GLG1: variants seen among roughly 807,000 people sequenced by gnomAD.
GLG1 encodes the protein golgi glycoprotein 1.
Under a neutral mutation model 160.5 loss-of-function variants are expected in GLG1, and 38 were observed. That is an observed-to-expected ratio of 0.24 (90% CI 0.18 to 0.31). The LOEUF (loss-of-function observed/expected upper bound fraction) is 0.31, where lower values mean the gene tolerates loss of function less well. GLG1 is among the 10% of genes least tolerant of loss of function. The pLI, the probability that GLG1 is intolerant of heterozygous loss-of-function variation, is 1.00. For synonymous variants in GLG1, 644 were observed against 543.4 expected (o/e 1.19, Z -2.57); for missense variants, 1,373 against 1,505.2 (o/e 0.91, Z 1.45).
At chr16:74,573,865 C>G (rs2018910311) in intron 1 of GLG1, among the ~76,000 whole-genome samples, 1 of 151,756 alleles carries the variant, frequency 6.6e-6, no homozygotes, top group South Asian at 2.1e-4. Context: ...GCAATCTCGG[C>G]TCACTGCAAC....
In GLG1 at chr16:74,451,549, T is replaced by A. The variant is rs1479518418; in HGVS notation, c.*1618A>T. 1.2e-5 allele frequency: 2 copies of A among 170,464 alleles called. No individual in the cohort carries two copies. Among genetic ancestry groups the A allele is most frequent in the African/African-American group, 4.8e-5 (2 of 41,994 alleles). 10.6% of individuals were successfully genotyped at this position (170,464 alleles called of 1,614,324 possible). The stretch of plus-strand genomic sequence containing the variant: ...CCGGTCCTGCAGTGCACGTGGACTG[T>A]GCAGAGCAGAGGCAAGAGTGGGGGG... On this transcript the variant is annotated 3_prime_UTR_variant, in exon 26 of 26. Coordinates refer to ENST00000422840, the MANE Select transcript of GLG1 (RefSeq NM_001145667.2).
At chr16:74,505,586 G>A (rs2016567522) in intron 3 of GLG1, among the ~76,000 whole-genome samples, 1 of 152,232 alleles carries the variant, frequency 6.6e-6, no homozygotes, top group African/African-American at 2.4e-5. Context: ...CAGGTGCGGT[G>A]GCTCATGCCT....
intron 1 of GLG1, among the ~76,000 whole-genome samples, chr16:74,576,337 A>T (rs1310528482): frequency 6.6e-6 from 1 of 152,216 alleles, no homozygotes. Flanking sequence ...ATATAAAGAG[A>T]ATACAGCCAA....
chr16:74,474,846 G>A (rs1228636453), intron 12 of GLG1, among the ~76,000 whole-genome samples: 2 of 152,000 alleles, frequency 1.3e-5, no homozygotes, highest in African/African-American at 4.8e-5. Flanking sequence ...TTGGTTATGA[G>A]GGCCAAGTGG....
intron 1 of GLG1, among the ~76,000 whole-genome samples, chr16:74,571,218 T>A (rs996138281): frequency 6.6e-5 from 10 of 152,120 alleles, no homozygotes; most frequent in African/African-American, 2.2e-4. Flanking sequence ...AGTGAGGCCA[T>A]CTGGGTCTGT....
intron 1 of GLG1, among the ~76,000 whole-genome samples, chr16:74,596,928 AC>A (rs1220646514): frequency 6.6e-6 from 1 of 152,200 alleles, no homozygotes; most frequent in Non-Finnish European, 1.5e-5. Context: ...ACCAGCCTGG[AC>A]AACAGAGTGA....
chr16:74,468,173 A>T (rs1042044775), intron 17 of GLG1: 24 of 191,348 alleles, frequency 1.3e-4, no homozygotes, highest in African/African-American at 5.4e-4. Context: ...TTATTACTTT[A>T]ATGAAAGAGC....
At position 74,452,007 on chromosome 16, in the gene GLG1, A is replaced by C. The variant is rs369902011; in HGVS notation, c.*1160T>G. The C allele has an allele frequency of 3.1e-4, 407 of 1,294,300 alleles. No individual in the cohort carries two copies. The highest frequency in any genetic ancestry group is 4.4e-4 in the Non-Finnish European group (387 of 888,194). The allele number at this position is 1,294,300 out of a possible 1,614,324, so 80.2% of individuals were successfully genotyped here. A position where few individuals can be genotyped will look rare whatever the true frequency, so the allele number is the denominator to read the frequency against. On this transcript the variant is annotated 3_prime_UTR_variant, in exon 26 of 26. Coordinates refer to ENST00000422840, the MANE Select transcript of GLG1 (RefSeq NM_001145667.2). ...AACTTTCCACACCCTCTCCACGTAG[A>C]GGCACAAAGGAGCTTGTCTGGGAAG...
At chr16:74,590,452 T>C (rs1567544019) in intron 1 of GLG1, among the ~76,000 whole-genome samples, 1 of 151,340 alleles carries the variant, frequency 6.6e-6, no homozygotes, top group Admixed American at 6.6e-5. Flanking sequence ...ACCCCGTCTC[T>C]ACTAAAAATA....
At chr16:74,565,719 G>C (rs1459258970) in intron 1 of GLG1, among the ~76,000 whole-genome samples, 6 of 152,224 alleles carry the variant, frequency 3.9e-5, no homozygotes, top group Admixed American at 3.3e-4. Context: ...CCTGGTTCGA[G>C]AGGCTGCCTG....
intron 4 of GLG1, among the ~76,000 whole-genome samples, chr16:74,499,478 G>A (rs1342373533): frequency 6.6e-6 from 1 of 152,082 alleles, no homozygotes; most frequent in Non-Finnish European, 1.5e-5. Context: ...CTATACTTGT[G>A]TTATAAATGT....
intron 10 of GLG1, among the ~76,000 whole-genome samples, chr16:74,482,519 C>T (rs1247961383): frequency 6.6e-6 from 1 of 152,012 alleles, no homozygotes; most frequent in East Asian, 1.9e-4. Flanking sequence ...CATCCTCCCA[C>T]CCCCACCGCT....
intron 1 of GLG1, among the ~76,000 whole-genome samples, chr16:74,605,027 A>G (rs573549456): frequency 6.6e-6 from 1 of 152,340 alleles, no homozygotes; most frequent in Middle Eastern, 3.4e-3. Context: ...GCCTGGCGAC[A>G]GAGTGAGACT....
intron 1 of GLG1, among the ~76,000 whole-genome samples, chr16:74,557,877 G>A (rs552742885): frequency 2.6e-5 from 4 of 152,056 alleles, no homozygotes; most frequent in Admixed American, 6.6e-5. Flanking sequence ...GAGCCACCAG[G>A]CCTGGCCATA....
rs534685363 is a variant in GLG1 at position 74,573,372 on chromosome 16, G to A, written c.438+33285C>T. 5.3e-5 allele frequency among the ~76,000 whole-genome samples: 8 copies of A among 151,888 alleles called. No homozygotes were observed. The South Asian group carries it at 6.3e-4, about 12-fold the overall frequency. ...TTGCTTTTTAAGTACAATAATAATC[G>A]TATCTTAAAGGATTCTGAAAATTTG... On this transcript the variant is annotated intron_variant, in intron 1 of 25. Transcript: ENST00000422840.
intron 2 of GLG1, among the ~76,000 whole-genome samples, chr16:74,509,496 T>C (rs1164707593): frequency 1.3e-5 from 2 of 151,978 alleles, no homozygotes; most frequent in Non-Finnish European, 2.9e-5. Flanking sequence ...ATCGGTTTCA[T>C]GGAGGAGAGT....
intron 1 of GLG1, among the ~76,000 whole-genome samples, chr16:74,590,447 G>A (rs1246234310): frequency 2.0e-5 from 3 of 151,502 alleles, no homozygotes; most frequent in Non-Finnish European, 4.4e-5. Flanking sequence ...GAGAAACCCC[G>A]TCTCTACTAA....
chr16:74,529,099 T>C (rs2017443780), intron 2 of GLG1, among the ~76,000 whole-genome samples: 1 of 151,804 alleles, frequency 6.6e-6, no homozygotes, highest in African/African-American at 2.4e-5. Context: ...CTTGAGTAGC[T>C]GGGATTACAG....
chr16:74,564,092 T>C (rs1048097551), intron 1 of GLG1, among the ~76,000 whole-genome samples: 8 of 152,178 alleles, frequency 5.3e-5, no homozygotes, highest in Non-Finnish European at 1.2e-4. Flanking sequence ...GGCTAATTTT[T>C]GTATTTTCTG....
Sources: gnomAD v4.1 joint callset for allele counts (sites outside exome capture counted in the v4.1 genomes callset) on GRCh38, gnomAD v4.1.1 for gene constraint, MANE v1.5 for transcripts, NCBI Gene and HGNC (gene_info 2026-07-23, HGNC 2026-07-21) for gene names.